SAMTOR: variants seen among roughly 807,000 people sequenced by gnomAD.
SAMTOR encodes UPF0532 protein C7orf60.
At chr7:112,903,340 A>T in the SAMTOR span, among the ~76,000 whole-genome samples, 1 of 152,272 alleles carries the variant, frequency 6.6e-6, no homozygotes, top group Non-Finnish European at 1.5e-5. Flanking sequence ...GTATCATAAA[A>T]AGACAAAAAA....
the SAMTOR span, among the ~76,000 whole-genome samples, chr7:112,920,085 C>A: frequency 6.6e-6 from 1 of 152,170 alleles, no homozygotes; most frequent in African/African-American, 2.4e-5. Context: ...GGGAATCCTC[C>A]CTAACTCATT....
chr7:112,865,657 A>AT, the SAMTOR span, among the ~76,000 whole-genome samples: 35 of 43,544 alleles, frequency 8.0e-4, no homozygotes, highest in Non-Finnish European at 1.6e-3. Context: ...ATTCATATAT[A>AT]TATTTCATAC....
chr7:112,869,123 G>T, the SAMTOR span, among the ~76,000 whole-genome samples: 23 of 152,142 alleles, frequency 1.5e-4, no homozygotes, highest in African/African-American at 5.6e-4. Context: ...GCCACTGAAG[G>T]GGGCAACAGC....
the SAMTOR span, among the ~76,000 whole-genome samples, chr7:112,850,900 A>G: frequency 5.3e-5 from 8 of 152,212 alleles, no homozygotes; most frequent in African/African-American, 2.4e-5. Context: ...TCAACATACA[A>G]AAGTCAGTAG....
chr7:112,918,912 T>C, the SAMTOR span, among the ~76,000 whole-genome samples: 2 of 152,166 alleles, frequency 1.3e-5, no homozygotes, highest in Non-Finnish European at 2.9e-5. Context: ...CCTAAATGTA[T>C]ATGCACCCAA....
chr7:112,832,487 G>A, the SAMTOR span: 1 of 819,756 alleles, frequency 1.2e-6, no homozygotes. Context: ...CTATTTTAGG[G>A]ATGCAAAGAC....
At chr7:112,880,783 C>A in the SAMTOR span, among the ~76,000 whole-genome samples, 1 of 152,066 alleles carries the variant, frequency 6.6e-6, no homozygotes, top group African/African-American at 2.4e-5. Flanking sequence ...AAACTAGAAG[C>A]AAAACTATTA....
At chr7:112,931,233 G>C in the SAMTOR span, among the ~76,000 whole-genome samples, 1 of 151,882 alleles carries the variant, frequency 6.6e-6, no homozygotes. Flanking sequence ...GCAAGGTTGT[G>C]AGCTTAAAAG....
the SAMTOR span, among the ~76,000 whole-genome samples, chr7:112,829,790 C>T: frequency 2.0e-5 from 3 of 152,142 alleles, no homozygotes; most frequent in Non-Finnish European, 4.4e-5. Flanking sequence ...AGACCCTTCT[C>T]TGTGTACTCT....
chr7:112,901,329 A>G, the SAMTOR span, among the ~76,000 whole-genome samples: 1 of 152,298 alleles, frequency 6.6e-6, no homozygotes, highest in East Asian at 1.9e-4. Context: ...TAGAAGCACG[A>G]ACCCTTATTG....
chr7:112,860,517 T>C, the SAMTOR span, among the ~76,000 whole-genome samples: 2 of 152,294 alleles, frequency 1.3e-5, no homozygotes, highest in African/African-American at 4.8e-5. Context: ...ATACAGTGAA[T>C]TATTGACTTA....
the SAMTOR span, among the ~76,000 whole-genome samples, chr7:112,859,519 G>A: frequency 2.6e-5 from 4 of 152,120 alleles, no homozygotes; most frequent in South Asian, 6.2e-4. Context: ...ATTCCTTCAG[G>A]CAGGTCCCTC....
At chr7:112,853,067 C>T in the SAMTOR span, among the ~76,000 whole-genome samples, 1 of 152,082 alleles carries the variant, frequency 6.6e-6, no homozygotes, top group African/African-American at 2.4e-5. Flanking sequence ...GAAAACAAAG[C>T]TTGGCTAAAA....
the SAMTOR span, among the ~76,000 whole-genome samples, chr7:112,860,978 T>C: frequency 2.0e-5 from 3 of 151,546 alleles, no homozygotes; most frequent in Non-Finnish European, 4.4e-5. Context: ...AAACACTCTT[T>C]GCAATAGTGA....
chr7:112,939,540 G>A, the SAMTOR span: 2 of 1,612,766 alleles, frequency 1.2e-6, no homozygotes, highest in Admixed American at 1.7e-5. Context: ...GTGACAAGCG[G>A]TTGGGGGTGA....
chr7:112,920,063 A>C, the SAMTOR span, among the ~76,000 whole-genome samples: 5 of 152,318 alleles, frequency 3.3e-5, no homozygotes, highest in Admixed American at 3.3e-4. Flanking sequence ...TATTCCAATC[A>C]ACAGAAAAAG....
the SAMTOR span, among the ~76,000 whole-genome samples, chr7:112,930,539 A>AG: frequency 2.0e-5 from 3 of 151,974 alleles, no homozygotes; most frequent in African/African-American, 2.4e-5. Flanking sequence ...AAAAAAAAAA[A>AG]AAGAAGAAAA....
chr7:112,919,052 T>C, the SAMTOR span, among the ~76,000 whole-genome samples: 1 of 152,102 alleles, frequency 6.6e-6, no homozygotes, highest in Non-Finnish European at 1.5e-5. Flanking sequence ...GACAGAAAGT[T>C]AACAAAGGTA....
At chr7:112,895,615 C>A in the SAMTOR span, 1 of 1,579,282 alleles carries the variant, frequency 6.3e-7, no homozygotes, top group South Asian at 1.1e-5. Context: ...GTTAAATGAC[C>A]TTCAAGTTGA....
Sources: allele counts gnomAD v4.1 joint callset (sites outside exome capture counted in the v4.1 genomes callset), GRCh38; gene constraint gnomAD v4.1.1; transcripts MANE v1.5; gene names NCBI Gene and HGNC (gene_info 2026-07-23, HGNC 2026-07-21).